CROCC: variants seen among roughly 807,000 people sequenced by gnomAD.
The protein encoded by CROCC is ciliary rootlet coiled-coil, rootletin.
CROCC carries 180 observed loss-of-function variants against 245.2 expected under a neutral mutation model. The observed-to-expected ratio is 0.73, with a 90% confidence interval of 0.65 to 0.83. The LOEUF is 0.83. CROCC is among the 40% of genes least tolerant of loss of function. The pLI, the probability that CROCC is intolerant of heterozygous loss-of-function variation, is 0.00. For missense variants in CROCC, 2,688 were observed against 2,779.4 expected (o/e 0.97, Z 0.74); for synonymous variants, 1,205 against 1,241.6 (o/e 0.97, Z 0.62).
chr1:16,959,189 A>G (rs2076292899), intron 26 of CROCC, among the ~76,000 whole-genome samples: 1 of 151,848 alleles, frequency 6.6e-6, no homozygotes, highest in African/African-American at 2.4e-5. Context: ...CGCCCAGCTA[A>G]TTTTTTGTAT....
intron 16 of CROCC, 31 bp downstream of exon 16, chr1:16,946,436 T>G (rs377548397): frequency 6.2e-7 from 1 of 1,601,150 alleles, no homozygotes; most frequent in South Asian, 1.1e-5. Context: ...CCCACCTGCC[T>G]TGCCCACCCA....
intron 25 of CROCC, 61 bp from the exon 26 acceptor site, chr1:16,958,522 G>T (rs1009390015): frequency 3.2e-6 from 5 of 1,539,136 alleles, no homozygotes; most frequent in Non-Finnish European, 4.4e-6. Context: ...GTGGCCTTGG[G>T]CCAGAACTGG....
chr1:16,972,402 A>G lies in CROCC; in HGVS notation c.6010A>G (p.Ser2004Gly). 1 of 1,613,680 alleles carries G rather than the reference A, an allele frequency of 6.2e-7. No individual in the cohort carries two copies. Among genetic ancestry groups the G allele is most frequent in the Non-Finnish European group, 8.5e-7 (1 of 1,179,798 alleles). ...KGQLQQELRRSSAPFSPPSGP... is the reference protein window; with the variant it reads ...KGQLQQELRRGSAPFSPPSGP... ...CCAGCTGCAGCAGGAGCTTCGAAGG[A>G]GCTCAGCACCCTTCTCCCCACCCTC... Residue 2004 changes from serine (S) to glycine (G), a missense_variant, in exon 37 of 37, where the codon AGC becomes GGC. Coordinates refer to ENST00000375541, the MANE Select transcript of CROCC (RefSeq NM_014675.5).
chr1:16,931,897 C>T (rs1437491022), intron 8 of CROCC, among the ~76,000 whole-genome samples: 3 of 152,130 alleles, frequency 2.0e-5, no homozygotes, highest in Non-Finnish European at 4.4e-5. Context: ...GCTGGGATAA[C>T]AGGCACATGC....
chr1:16,935,650 T>A (rs2075771853), intron 8 of CROCC, among the ~76,000 whole-genome samples: 1 of 152,244 alleles, frequency 6.6e-6, no homozygotes, highest in Non-Finnish European at 1.5e-5. Flanking sequence ...GGTCTCGATC[T>A]CCCGACCTCG....
Position 16,929,835 on chromosome 1 carries a change from C to CT in CROCC, c.352-9dup, listed in dbSNP as rs2100357043. 1 of 1,539,968 alleles carries CT rather than the reference C, an allele frequency of 6.5e-7. No individual in the cohort carries two copies. Among genetic ancestry groups the CT allele is most frequent in the African/African-American group, 1.4e-5 (1 of 73,898 alleles). On this transcript the variant is annotated splice_polypyrimidine_tract_variant and intron_variant, in intron 3 of 36. Transcript: ENST00000375541. The stretch of plus-strand genomic sequence containing the variant: ...AGGCCCAGGACTCTCACCCAGGGCC[C>CT]TTCCCTGCAGCTGGAGCAGGCTCTG...
chr1:16,939,204 C>A (rs543012167), intron 12 of CROCC, 62 bp downstream of exon 12: 2 of 743,396 alleles, frequency 2.7e-6, no homozygotes, highest in African/African-American at 2.5e-5. Context: ...CTCGCGCCCT[C>A]CGGGTGGGGG....
chr1:16,952,367 C>T (rs866185978), intron 20 of CROCC, among the ~76,000 whole-genome samples: 5 of 152,100 alleles, frequency 3.3e-5, no homozygotes, highest in African/African-American at 1.2e-4. Flanking sequence ...CGCCTGTAGT[C>T]CCAGATACTT....
chr1:16,922,686 C>T lies in CROCC; in HGVS notation c.84C>T (p.Cys28=). 6.2e-7 allele frequency: 1 copy of T among 1,612,568 alleles called. No individual in the cohort carries two copies. The highest frequency in any genetic ancestry group is 1.1e-5 in the South Asian group (1 of 90,810). Residue 28 remains cysteine (C), a synonymous_variant, in exon 2 of 37, where the codon TGC becomes TGT. Transcript: ENST00000375541. ...VIQTLESSVL[C]QEKGLGARDL... is the part of the protein sequence containing the mutation. ...AGACACTGGAGAGCAGCGTCCTGTG[C>T]CAGGAGAAAGGCTTGGGCGCGCGGG...
intron 8 of CROCC, among the ~76,000 whole-genome samples, chr1:16,934,671 G>A (rs572213917): frequency 3.3e-5 from 5 of 152,374 alleles, no homozygotes; most frequent in African/African-American, 1.2e-4. Context: ...TTTTGATTAA[G>A]TCACATGTTC....
chr1:16,962,774 G>A (rs2100534131), intron 27 of CROCC, among the ~76,000 whole-genome samples: 1 of 149,614 alleles, frequency 6.7e-6, no homozygotes, highest in African/African-American at 2.5e-5. Context: ...TCACCATGTT[G>A]GACAGGCTGG....
At chr1:16,970,072 A>G (rs2076489386) in intron 33 of CROCC, 138 bp downstream of exon 33, 1 of 1,266,894 alleles carries the variant, frequency 7.9e-7, no homozygotes, top group Non-Finnish European at 1.1e-6. Context: ...TTCAGAGCAT[A>G]GTCCTGTTAT....
chr1:16,937,375 A>AG, intron 9 of CROCC, among the ~76,000 whole-genome samples: 1 of 152,146 alleles, frequency 6.6e-6, no homozygotes, highest in East Asian at 1.9e-4. Flanking sequence ...ACAAAAAAAA[A>AG]GAACTCGTGC....
Position 16,951,027 on chromosome 1 carries a change from C to T in CROCC, c.2911C>T (p.Gln971Ter). 2 of 1,607,260 alleles carry T rather than the reference C, an allele frequency of 1.2e-6. No individual in the cohort carries two copies. The highest frequency in any genetic ancestry group is 2.7e-5 in the African/African-American group (2 of 74,782). The change falls in exon 20 of 37, where the codon CAG becomes TAG. Residue 971 changes from glutamine (Q) to a stop codon, truncating the protein, a stop_gained. Coordinates refer to ENST00000375541, the MANE Select transcript of CROCC (RefSeq NM_014675.5). LOFTEE classifies it high-confidence loss of function. ...KASLDKELMAQKLVQAEREAQ... is the reference protein window; with the variant it reads ...KASLDKELMA ...CAGTCTAGACAAGGAGCTGATGGCC[C>T]AGAAGCTGGTGCAGGCTGAGCGGGA... is the stretch of plus-strand genomic sequence containing the variant.
intron 8 of CROCC, among the ~76,000 whole-genome samples, chr1:16,931,819 C>T (rs1280814642): frequency 4.6e-5 from 7 of 152,134 alleles, no homozygotes; most frequent in South Asian, 4.1e-4. Context: ...TGAGGTGGCA[C>T]GATCTTGGAT....
chr1:16,935,675 C>T (rs1217498702), intron 8 of CROCC, among the ~76,000 whole-genome samples: 7 of 152,292 alleles, frequency 4.6e-5, no homozygotes, highest in Non-Finnish European at 8.8e-5. Flanking sequence ...CCGCCCTCCT[C>T]GGCCTCCCAA....
At chr1:16,959,881 T>TC (rs1425278858) in intron 26 of CROCC, among the ~76,000 whole-genome samples, 1 of 150,616 alleles carries the variant, frequency 6.6e-6, no homozygotes, top group Non-Finnish European at 1.5e-5. Flanking sequence ...GTGGTATGCC[T>TC]CCCCGCCTTT....
intron 31 of CROCC, 158 bp from the exon 32 acceptor site, chr1:16,968,958 C>T: frequency 2.6e-6 from 2 of 779,532 alleles, no homozygotes; most frequent in Non-Finnish European, 4.4e-6. Flanking sequence ...TAGGCTGAGC[C>T]AGCAGGAGTG....
At position 16,961,071 on chromosome 1, in the gene CROCC, CGCCCA is replaced by C; in HGVS notation, c.4356_4360del (p.Pro1454AlafsTer90). ...CGCCGGGGCCTCGGCCTCGGTCGCG[CGCCCA>C]GCCCAGCCCCGCGGCCAGTGCCCGG... On this transcript the variant is annotated frameshift_variant, in exon 27 of 37. Coordinates refer to ENST00000375541, the MANE Select transcript of CROCC (RefSeq NM_014675.5). LOFTEE classifies it high-confidence loss of function. The C allele has an allele frequency of 7.4e-7, 1 of 1,348,078 alleles. No homozygotes were observed. Among genetic ancestry groups the C allele is most frequent in the Non-Finnish European group, 9.5e-7 (1 of 1,053,910 alleles). 83.5% of individuals were successfully genotyped at this position (1,348,078 alleles called of 1,614,324 possible).
Sources: gnomAD v4.1 joint callset for allele counts (sites outside exome capture counted in the v4.1 genomes callset) on GRCh38, gnomAD v4.1.1 for gene constraint, MANE v1.5 for transcripts, NCBI Gene and HGNC (gene_info 2026-07-23, HGNC 2026-07-21) for gene names.